Variants in DOK6 observed in about 807,000 individuals in gnomAD.
DOK6 encodes docking protein 6.
DOK6 carries 22 observed loss-of-function variants against 44.0 expected under a neutral mutation model. The ratio of observed to expected loss-of-function variants is 0.50; its 90% CI spans 0.36 to 0.71. DOK6 has a LOEUF of 0.71. Ranked by LOEUF, DOK6 falls within the 30% of genes least tolerant of loss-of-function variation. DOK6 has a pLI of 0.00. For synonymous variants in DOK6, 166 were observed against 145.5 expected (o/e 1.14, Z -1.01); for missense variants, 340 against 416.4 (o/e 0.82, Z 1.60).
At chr18:69,798,091 C>T (rs901295351) in intron 7 of DOK6, among the ~76,000 whole-genome samples, 2 of 152,042 alleles carry the variant, frequency 1.3e-5, no homozygotes, top group Non-Finnish European at 2.9e-5. Flanking sequence ...GACATATCCG[C>T]AGGTCAGTCA....
At chr18:69,600,563 G>A (rs942068508) in intron 3 of DOK6, among the ~76,000 whole-genome samples, 4 of 152,014 alleles carry the variant, frequency 2.6e-5, no homozygotes, top group African/African-American at 7.3e-5. Flanking sequence ...CCTTGCTGGT[G>A]TAATATAATA....
chr18:69,836,989 A>T (rs1478308627), intron 7 of DOK6, among the ~76,000 whole-genome samples: 5 of 152,206 alleles, frequency 3.3e-5, no homozygotes, highest in African/African-American at 1.2e-4. Flanking sequence ...AAATAGCATC[A>T]TTTGTGAATT....
At chr18:69,428,203 G>A (rs1978698321) in intron 1 of DOK6, among the ~76,000 whole-genome samples, 1 of 151,906 alleles carries the variant, frequency 6.6e-6, no homozygotes, top group African/African-American at 2.4e-5. Context: ...TATATATAGA[G>A]AAAATAGATT....
intron 7 of DOK6, among the ~76,000 whole-genome samples, chr18:69,817,529 T>G (rs1251659953): frequency 6.6e-6 from 1 of 152,146 alleles, no homozygotes; most frequent in Non-Finnish European, 1.5e-5. Flanking sequence ...CTTCTCACTG[T>G]GTCCTACAGG....
chr18:69,608,608 A>G (rs1306025620), intron 3 of DOK6, among the ~76,000 whole-genome samples: 7 of 152,132 alleles, frequency 4.6e-5, no homozygotes, highest in Non-Finnish European at 1.0e-4. Flanking sequence ...ATATTTTAAC[A>G]ATATTAATTT....
chr18:69,531,031 G>A (rs948343195), intron 1 of DOK6, among the ~76,000 whole-genome samples: 2 of 151,730 alleles, frequency 1.3e-5, no homozygotes, highest in Non-Finnish European at 1.5e-5. Flanking sequence ...TGTCTCTTTT[G>A]ATCTTTGTTG....
intron 1 of DOK6, among the ~76,000 whole-genome samples, chr18:69,466,073 T>C (rs913662983): frequency 6.6e-6 from 1 of 152,210 alleles, no homozygotes. Flanking sequence ...TACATTATTA[T>C]TAACTGTAGT....
chr18:69,790,177 T>C (rs1980549791), intron 7 of DOK6, among the ~76,000 whole-genome samples: 1 of 151,404 alleles, frequency 6.6e-6, no homozygotes, highest in South Asian at 2.1e-4. Flanking sequence ...AAAATTGCTG[T>C]GTTTCACCAC....
chr18:69,783,381 G>A (rs1980335469), intron 7 of DOK6, among the ~76,000 whole-genome samples: 1 of 152,208 alleles, frequency 6.6e-6, no homozygotes, highest in South Asian at 2.1e-4. Context: ...TTGATTACAT[G>A]TTGAACTGAT....
intron 1 of DOK6, among the ~76,000 whole-genome samples, chr18:69,459,241 C>T (rs1979722564): frequency 1.4e-5 from 2 of 146,822 alleles, no homozygotes; most frequent in Non-Finnish European, 3.0e-5. Flanking sequence ...GTGAAGGTGC[C>T]ACGTAATGTA....
chr18:69,612,028 G>A (rs182359256), intron 3 of DOK6, among the ~76,000 whole-genome samples: 2,125 of 152,160 alleles, frequency 0.014, 38 homozygotes, highest in African/African-American at 0.048. Flanking sequence ...CAACACCCTA[G>A]TTGTCATATT....
intron 5 of DOK6, among the ~76,000 whole-genome samples, chr18:69,727,854 C>G (rs1476824268): frequency 6.6e-6 from 1 of 152,178 alleles, no homozygotes; most frequent in African/African-American, 2.4e-5. Context: ...CATTTCAAAT[C>G]ACCCCTTTCA....
At chr18:69,503,915 A>C (rs1981114209) in intron 1 of DOK6, among the ~76,000 whole-genome samples, 1 of 152,058 alleles carries the variant, frequency 6.6e-6, no homozygotes, top group Admixed American at 6.5e-5. Context: ...CATTGTTTCA[A>C]AAAAGGAGTA....
In DOK6 at chr18:69,823,535, G is replaced by T. The variant is rs62090530; in HGVS notation, c.857-17709G>T. On this transcript the variant is annotated intron_variant, in intron 7 of 7. Transcript: ENST00000382713. ...AGTTTCTAAGAGGGCCATTAGAGCA[G>T]AGGGTGTCAGGATGGTACTGGAAAG... is the stretch of plus-strand genomic sequence containing the variant. 4.5e-3 allele frequency among the ~76,000 whole-genome samples: 682 copies of T among 152,254 alleles called. 2 individuals are homozygous for T. The highest frequency in any genetic ancestry group is 0.014 in the South Asian group (70 of 4,828).
At chr18:69,437,398 A>G (rs1011389485) in intron 1 of DOK6, among the ~76,000 whole-genome samples, 1 of 152,182 alleles carries the variant, frequency 6.6e-6, no homozygotes, top group African/African-American at 2.4e-5. Context: ...TCCCAAGACC[A>G]TTTATTAAAT....
chr18:69,513,019 G>A (rs1043476692), intron 1 of DOK6, among the ~76,000 whole-genome samples: 6 of 152,034 alleles, frequency 3.9e-5, no homozygotes, highest in Non-Finnish European at 7.4e-5. Context: ...ACCACAATTA[G>A]CTGATTTTAT....
chr18:69,672,354 T>A (rs956279496), intron 3 of DOK6, among the ~76,000 whole-genome samples: 3 of 141,348 alleles, frequency 2.1e-5, no homozygotes, highest in East Asian at 3.9e-4. Context: ...TTTGTTAGTT[T>A]GTTTGTTTGT....
intron 1 of DOK6, among the ~76,000 whole-genome samples, chr18:69,504,609 A>C (rs930038438): frequency 1.3e-5 from 2 of 152,254 alleles, no homozygotes; most frequent in South Asian, 4.1e-4. Flanking sequence ...AAATATAAAA[A>C]TCTATCTTTA....
intron 5 of DOK6, among the ~76,000 whole-genome samples, chr18:69,711,232 T>G (rs1358964756): frequency 6.6e-6 from 1 of 152,202 alleles, no homozygotes; most frequent in Non-Finnish European, 1.5e-5. Flanking sequence ...TATTTCCAAA[T>G]AAATATTTTC....
Sources: allele counts gnomAD v4.1 joint callset (sites outside exome capture counted in the v4.1 genomes callset), GRCh38; gene constraint gnomAD v4.1.1; transcripts MANE v1.5; gene names NCBI Gene and HGNC (gene_info 2026-07-23, HGNC 2026-07-21).